Variants in KDM4C observed in about 807,000 individuals in gnomAD.
The protein encoded by KDM4C is lysine demethylase 4C.
In KDM4C, 81 loss-of-function variants were observed where a neutral mutation model predicts 129.3. The ratio of observed to expected loss-of-function variants is 0.63; its 90% CI spans 0.52 to 0.75. The LOEUF is 0.75. Among genes scored for constraint, KDM4C ranks in the 30% least tolerant of loss-of-function variants. KDM4C has a pLI of 0.00. For missense variants in KDM4C, 1,457 were observed against 1,304.0 expected (o/e 1.12, Z -1.81); for synonymous variants, 573 against 456.1 (o/e 1.26, Z -3.26).
At chr9:6,814,225 C>T (rs1479940235) in intron 3 of KDM4C, among the ~76,000 whole-genome samples, 2 of 151,978 alleles carry the variant, frequency 1.3e-5, no homozygotes, top group Non-Finnish European at 2.9e-5. Context: ...TTTAACTTTA[C>T]TTTCTTGGAT....
chr9:6,984,184 T>C lies in KDM4C; in HGVS notation c.1134T>C (p.Ser378=). ...TTGACAGCTTCCAGTGTGCTAGGTC[T>C]ACCTCTAAAAGGCCTAAGGCTGATG... The part of the protein sequence containing the change: ...KASRSFQCAR[S]TSKRPKADEE... The change falls in exon 10 of 22, where the codon TCT becomes TCC. Residue 378 remains serine (S), a synonymous_variant. Transcript: ENST00000381309. 6.2e-7 allele frequency: 1 copy of C among 1,613,592 alleles called. No individual in the cohort carries two copies. Among genetic ancestry groups the C allele is most frequent in the South Asian group, 1.1e-5 (1 of 91,054 alleles).
intron 19 of KDM4C, among the ~76,000 whole-genome samples, chr9:7,162,543 G>C (rs571497638): frequency 3.3e-5 from 5 of 152,180 alleles, no homozygotes; most frequent in African/African-American, 4.8e-5. Context: ...TATTCAGTTT[G>C]TTAATAAAAC....
At chr9:6,839,281 G>A (rs1481991645) in intron 4 of KDM4C, among the ~76,000 whole-genome samples, 2 of 151,862 alleles carry the variant, frequency 1.3e-5, no homozygotes, top group Middle Eastern at 3.2e-3. Flanking sequence ...CCAGGCTAGA[G>A]TGCAGTAGCG....
At position 6,801,435 on chromosome 9, in the gene KDM4C, C is replaced by T. The variant is rs192628385; in HGVS notation, c.145-4164C>T. On this transcript the variant is annotated intron_variant, in intron 2 of 21. Coordinates refer to ENST00000381309, the MANE Select transcript of KDM4C (RefSeq NM_015061.6). ...TTTTTTTTTAGTGGAGACGGGGTTTCACTGTGTTAGCCAGGATAGTCTGGA... is the reference window on the plus strand; with the variant it reads ...TTTTTTTTTAGTGGAGACGGGGTTTTACTGTGTTAGCCAGGATAGTCTGGA... Among the ~76,000 whole-genome samples, 774 of 151,114 alleles carry T rather than the reference C, an allele frequency of 5.1e-3. 7 individuals carry two copies. The highest frequency in any genetic ancestry group is 0.018 in the African/African-American group (729 of 41,212).
intron 8 of KDM4C, among the ~76,000 whole-genome samples, chr9:6,904,235 T>C (rs1008415990): frequency 6.6e-6 from 1 of 151,542 alleles, no homozygotes; most frequent in Non-Finnish European, 1.5e-5. Flanking sequence ...TGAGACTCCA[T>C]CTCAAAAAAA....
upstream of KDM4C, chr9:6,757,763 G>A (rs1043152326): frequency 2.0e-6 from 2 of 985,498 alleles, no homozygotes; most frequent in South Asian, 9.4e-5. Flanking sequence ...CTCCTTCTAC[G>A]CGAGTATCTT....
At chr9:6,841,379 T>C (rs1264758864) in intron 4 of KDM4C, among the ~76,000 whole-genome samples, 1 of 151,934 alleles carries the variant, frequency 6.6e-6, no homozygotes, top group Non-Finnish European at 1.5e-5. Context: ...GAATATAGAG[T>C]GATAACTGTG....
At chr9:6,938,238 A>T (rs1458136801) in intron 8 of KDM4C, among the ~76,000 whole-genome samples, 1 of 152,034 alleles carries the variant, frequency 6.6e-6, no homozygotes, top group Non-Finnish European at 1.5e-5. Context: ...TGAACATAAA[A>T]CATATTTATA....
In KDM4C at chr9:6,758,010, A is replaced by G. The variant is rs958571001; in HGVS notation, c.-211A>G. ...GCGCGCGCCTTCGCCGCTGCCTCCCACCCACCCCCTCGACGGGAGGGTGAG... is the reference window on the plus strand; with the variant it reads ...GCGCGCGCCTTCGCCGCTGCCTCCCGCCCACCCCCTCGACGGGAGGGTGAG... On this transcript the variant is annotated 5_prime_UTR_variant, in exon 1 of 22. Coordinates refer to ENST00000381309, the MANE Select transcript of KDM4C (RefSeq NM_015061.6). This position sits in a 1 kb window ranked among gnomAD's most constrained non-coding sequence, Gnocchi z 4.6. The G allele has an allele frequency of 9.1e-6, 9 of 984,814 alleles. No individual in the cohort carries two copies. In the African/African-American group the frequency reaches 1.4e-4, roughly 15 times the overall value. 61.0% of individuals were successfully genotyped at this position (984,814 alleles called of 1,614,324 possible). A position where few individuals can be genotyped will look rare whatever the true frequency, so the allele number is the denominator to read the frequency against.
Position 7,174,597 on chromosome 9 carries a change from A to G in KDM4C, c.3039A>G (p.Ala1013=). The part of the protein sequence containing the change: ...DMRFEDTFYG[A]DIIQGERKRQ... ...GATTTGAAGACACGTTTTATGGAGC[A>G]GACATTATCCAAGGGGAGAGAAAGA... Residue 1013 remains alanine (A), a synonymous_variant, in exon 22 of 22, where the codon GCA becomes GCG. Transcript: ENST00000381309. 6.2e-7 allele frequency: 1 copy of G among 1,614,236 alleles called. No individual in the cohort carries two copies. Among genetic ancestry groups the G allele is most frequent in the Non-Finnish European group, 8.5e-7 (1 of 1,180,046 alleles).
chr9:6,794,655 C>G (rs924426237), intron 2 of KDM4C, among the ~76,000 whole-genome samples: 3 of 152,030 alleles, frequency 2.0e-5, no homozygotes, highest in Admixed American at 6.6e-5. Context: ...GTGACCCAGA[C>G]CAGTGAAGAT....
chr9:6,882,887 A>G (rs1588912078), intron 6 of KDM4C, among the ~76,000 whole-genome samples: 1 of 152,078 alleles, frequency 6.6e-6, no homozygotes, highest in African/African-American at 2.4e-5. Context: ...GTAAGAGGTC[A>G]TAGCCCGATT....
intron 1 of KDM4C, among the ~76,000 whole-genome samples, chr9:6,721,484 A>T (rs1406296134): frequency 6.6e-6 from 1 of 151,022 alleles, no homozygotes; most frequent in Non-Finnish European, 1.5e-5. Flanking sequence ...GGGTTTTGCC[A>T]TGTTGGGCAG....
At chr9:6,927,217 C>T (rs980146348) in intron 8 of KDM4C, among the ~76,000 whole-genome samples, 2 of 152,256 alleles carry the variant, frequency 1.3e-5, no homozygotes, top group Middle Eastern at 3.4e-3. Context: ...GCAACCTCCT[C>T]TTCCCAGGCT....
intron 5 of KDM4C, among the ~76,000 whole-genome samples, chr9:6,873,740 T>C (rs747084421): frequency 6.6e-6 from 1 of 152,228 alleles, no homozygotes; most frequent in Non-Finnish European, 1.5e-5. Flanking sequence ...ATTGTGTTCA[T>C]TGTTGTAGCA....
At chr9:6,840,834 A>C (rs971014356) in intron 4 of KDM4C, among the ~76,000 whole-genome samples, 1 of 152,094 alleles carries the variant, frequency 6.6e-6, no homozygotes, top group African/African-American at 2.4e-5. Flanking sequence ...TTCCAATTCT[A>C]TGTGAGATGG....
At chr9:6,855,666 C>A (rs1416828049) in intron 5 of KDM4C, among the ~76,000 whole-genome samples, 1 of 152,080 alleles carries the variant, frequency 6.6e-6, no homozygotes, top group Non-Finnish European at 1.5e-5. Context: ...TGTCCTTTCT[C>A]CTCTCCATTC....
chr9:6,855,313 G>T (rs62535684), intron 5 of KDM4C, among the ~76,000 whole-genome samples: 11,535 of 151,964 alleles, frequency 0.076, 623 homozygotes, highest in Non-Finnish European at 0.11. Flanking sequence ...ACAAAAATTA[G>T]CTGGGCATGG....
At chr9:6,810,322 G>A (rs1830913581) in intron 3 of KDM4C, among the ~76,000 whole-genome samples, 1 of 152,160 alleles carries the variant, frequency 6.6e-6, no homozygotes, top group African/African-American at 2.4e-5. Flanking sequence ...TGTACACAGT[G>A]CTTGGTATAG....
Sources: allele counts gnomAD v4.1 joint callset (sites outside exome capture counted in the v4.1 genomes callset), GRCh38; gene constraint gnomAD v4.1.1; non-coding constraint Gnocchi (gnomAD v3.1); transcripts MANE v1.5; gene names NCBI Gene and HGNC (gene_info 2026-07-23, HGNC 2026-07-21).